ST8SIA4: variants seen among roughly 807,000 people sequenced by gnomAD.
The protein encoded by ST8SIA4 is CMP-N-acetylneuraminate-poly-alpha-2,8-sialyltransferase.
Under a neutral mutation model 33.9 loss-of-function variants are expected in ST8SIA4, and 15 were observed. That is an observed-to-expected ratio of 0.44 (90% CI 0.30 to 0.68). ST8SIA4 has a LOEUF of 0.68. Ranked by LOEUF, ST8SIA4 falls within the 30% of genes least tolerant of loss-of-function variation. The pLI is 0.10. For synonymous variants in ST8SIA4, 171 were observed against 151.2 expected (o/e 1.13, Z -0.96); for missense variants, 321 against 428.0 (o/e 0.75, Z 2.21).
intron 4 of ST8SIA4, among the ~76,000 whole-genome samples, chr5:100,848,649 T>C (rs1293237494): frequency 6.7e-6 from 1 of 150,274 alleles, no homozygotes; most frequent in Non-Finnish European, 1.5e-5. Context: ...TGTGTGTATA[T>C]ATAACAGTAA....
intron 4 of ST8SIA4, among the ~76,000 whole-genome samples, chr5:100,831,082 A>C (rs1244513380): frequency 6.6e-6 from 1 of 152,258 alleles, no homozygotes; most frequent in African/African-American, 2.4e-5. Flanking sequence ...ATTGAAATTG[A>C]AATAGCTAGC....
intron 4 of ST8SIA4, among the ~76,000 whole-genome samples, chr5:100,830,576 G>A (rs573324067): frequency 6.6e-6 from 1 of 152,234 alleles, no homozygotes; most frequent in African/African-American, 2.4e-5. Flanking sequence ...CCGAATTCAA[G>A]TTACCTCTAT....
At chr5:100,823,116 G>A (rs1260217462) in intron 4 of ST8SIA4, among the ~76,000 whole-genome samples, 1 of 151,750 alleles carries the variant, frequency 6.6e-6, no homozygotes. Context: ...GGGAGACAGA[G>A]TGAGACTCCG....
intron 3 of ST8SIA4, chr5:100,885,452 A>G: frequency 1.1e-6 from 1 of 930,902 alleles, no homozygotes; most frequent in South Asian, 4.9e-5. Flanking sequence ...TATTCAAAAA[A>G]TATTCAAAAT....
chr5:100,874,179 CA>C (rs1264607983), intron 3 of ST8SIA4, among the ~76,000 whole-genome samples: 1 of 152,102 alleles, frequency 6.6e-6, no homozygotes, highest in Non-Finnish European at 1.5e-5. Context: ...TGCAATCTTT[CA>C]AACTCTCAAT....
chr5:100,831,133 C>G (rs973400461), intron 4 of ST8SIA4, among the ~76,000 whole-genome samples: 1 of 152,170 alleles, frequency 6.6e-6, no homozygotes, highest in Non-Finnish European at 1.5e-5. Flanking sequence ...TTATATTTGT[C>G]TACCTAAATT....
intron 1 of ST8SIA4, among the ~76,000 whole-genome samples, chr5:100,902,470 G>A (rs1752941756): frequency 6.6e-6 from 1 of 152,140 alleles, no homozygotes; most frequent in Non-Finnish European, 1.5e-5. Flanking sequence ...CTCCTTAGGT[G>A]ATAGGACATT....
At chr5:100,885,594 T>C (rs1403062906) in intron 3 of ST8SIA4, 1 of 932,466 alleles carries the variant, frequency 1.1e-6, no homozygotes, top group Non-Finnish European at 1.3e-6. Context: ...GTCATTTAGC[T>C]AATTTTTCTA....
chr5:100,868,986 A>C (rs903262452), intron 3 of ST8SIA4, among the ~76,000 whole-genome samples: 6 of 152,130 alleles, frequency 3.9e-5, no homozygotes, highest in Non-Finnish European at 7.4e-5. Context: ...ATGAGAGCTT[A>C]TGTCCTCCTT....
chr5:100,869,415 T>C (rs899413329), intron 3 of ST8SIA4, among the ~76,000 whole-genome samples: 3 of 152,170 alleles, frequency 2.0e-5, no homozygotes, highest in Admixed American at 2.0e-4. Context: ...ATAACAATGA[T>C]AACATTTCAC....
chr5:100,902,905 C>T lies in ST8SIA4; in HGVS notation c.51G>A (p.Leu17=), dbSNP rs1286296897. The change falls in exon 1 of 5, where the codon CTG becomes CTA. Residue 17 remains leucine, a synonymous_variant. Transcript: ENST00000231461. ...RWTICTISLL[L]IFYKTKEIAR... is the part of the protein sequence containing the mutation. Reference sequence around the variant, plus strand: ...CTATTTCTTTTGTCTTATAAAAGATCAGGAGCAGACTTATTGTGCAGATCG... The same window carrying T: ...CTATTTCTTTTGTCTTATAAAAGATTAGGAGCAGACTTATTGTGCAGATCG... The T allele has an allele frequency of 3.7e-6, 6 of 1,614,210 alleles. No homozygotes were observed. Among genetic ancestry groups the T allele is most frequent in the African/African-American group, 1.3e-5 (1 of 75,058 alleles).
rs558557157 is a variant in ST8SIA4 at position 100,830,267 on chromosome 5, G to C, written c.798-18138C>G. On this transcript the variant is annotated intron_variant, in intron 4 of 4. Coordinates refer to ENST00000231461, the MANE Select transcript of ST8SIA4 (RefSeq NM_005668.6). ...CCAGACCGATGAGTTTCAAAGCCTA[G>C]TGTTACCACTTACTATGTGAGCTGG... 1.8e-4 allele frequency among the ~76,000 whole-genome samples: 28 copies of C among 152,310 alleles called. 1 individual carries two copies. In the South Asian group the frequency reaches 2.3e-3, roughly 12 times the overall value.
At chr5:100,881,863 T>C (rs942728704) in intron 3 of ST8SIA4, among the ~76,000 whole-genome samples, 2 of 152,216 alleles carry the variant, frequency 1.3e-5, no homozygotes, top group East Asian at 1.9e-4. Context: ...GCCACCGCCA[T>C]GTAAGAAGGG....
intron 4 of ST8SIA4, among the ~76,000 whole-genome samples, chr5:100,848,517 TAGAG>T (rs1295699120): frequency 2.7e-5 from 4 of 150,072 alleles, no homozygotes; most frequent in Non-Finnish European, 5.9e-5. Flanking sequence ...ATAGTATATA[TAGAG>T]ACAGAGAAAC....
At chr5:100,858,873 A>G (rs1176740517) in intron 3 of ST8SIA4, among the ~76,000 whole-genome samples, 1 of 152,076 alleles carries the variant, frequency 6.6e-6, no homozygotes, top group Non-Finnish European at 1.5e-5. Flanking sequence ...TAACTGAGGT[A>G]CAGGAAATAA....
intron 3 of ST8SIA4, 77 bp downstream of exon 3, chr5:100,886,266 A>T: frequency 6.5e-7 from 1 of 1,543,144 alleles, no homozygotes; most frequent in Non-Finnish European, 8.7e-7. Context: ...ATACTTTAAA[A>T]TTTTCTAACA....
At chr5:100,832,730 AT>A (rs766992026) in intron 4 of ST8SIA4, among the ~76,000 whole-genome samples, 3 of 152,076 alleles carry the variant, frequency 2.0e-5, no homozygotes, top group Admixed American at 6.6e-5. Context: ...CTGTTACATC[AT>A]TCGAGGCCAT....
At chr5:100,892,962 C>T (rs893892192) in intron 2 of ST8SIA4, among the ~76,000 whole-genome samples, 1 of 151,782 alleles carries the variant, frequency 6.6e-6, no homozygotes, top group African/African-American at 2.4e-5. Flanking sequence ...GTGTAACAAA[C>T]CTGCATGCTC....
intron 3 of ST8SIA4, among the ~76,000 whole-genome samples, chr5:100,872,952 T>C (rs1184746912): frequency 6.6e-6 from 1 of 150,726 alleles, no homozygotes; most frequent in Non-Finnish European, 1.5e-5. Flanking sequence ...CCAGCACATC[T>C]CAAGCCTTAA....
Sources: gnomAD v4.1 joint callset for allele counts (sites outside exome capture counted in the v4.1 genomes callset) on GRCh38, gnomAD v4.1.1 for gene constraint, MANE v1.5 for transcripts, NCBI Gene and HGNC (gene_info 2026-07-23, HGNC 2026-07-21) for gene names.